The following EFL1 variants were observed in gnomAD, a reference collection of about 807,000 sequenced individuals.
EFL1 encodes the protein elongation factor-like GTPase 1.
Under a neutral mutation model 126.7 loss-of-function variants are expected in EFL1, and 76 were observed. The ratio of observed to expected loss-of-function variants is 0.60; its 90% CI spans 0.50 to 0.73. The LOEUF is 0.73. Among genes scored for constraint, EFL1 ranks in the 30% least tolerant of loss-of-function variants. The pLI is 0.00. For missense variants in EFL1, 1,128 were observed against 1,343.2 expected, an observed-to-expected ratio of 0.84 and a Z score of 2.50; for synonymous variants, 410 against 448.4, an observed-to-expected ratio of 0.91 and a Z score of 1.08.
Position 82,206,787 on chromosome 15 carries a change from G to T in EFL1, c.1750+7930C>A, listed in dbSNP as rs1230326691. Among the ~76,000 whole-genome samples, 6 of 151,916 alleles carry T rather than the reference G, an allele frequency of 3.9e-5. No homozygotes were observed. In the East Asian group the frequency reaches 5.8e-4, roughly 15 times the overall value. On this transcript the variant is annotated intron_variant, in intron 15 of 19. Coordinates refer to ENST00000268206, the MANE Select transcript of EFL1 (RefSeq NM_024580.6). ...CTAACCAAATATAGCTGACTTCATG[G>T]GTGCTAATATCCAAAATTTTAGGGA...
chr15:82,135,674 A>G (rs1415034093), intron 19 of EFL1, among the ~76,000 whole-genome samples: 2 of 152,230 alleles, frequency 1.3e-5, no homozygotes, highest in Admixed American at 6.5e-5. Flanking sequence ...TCTAAAGACT[A>G]CATTTCCCAG....
At chr15:82,158,441 G>C (rs72749539) in intron 16 of EFL1, among the ~76,000 whole-genome samples, 2 of 152,158 alleles carry the variant, frequency 1.3e-5, no homozygotes, top group South Asian at 4.1e-4. Context: ...TGGGAGTTGA[G>C]AGTAGGGATA....
intron 15 of EFL1, among the ~76,000 whole-genome samples, chr15:82,191,338 T>C (rs188969604): frequency 6.6e-6 from 1 of 152,192 alleles, no homozygotes; most frequent in Non-Finnish European, 1.5e-5. Flanking sequence ...GTAGCCTATC[T>C]AAAACACCTG....
chr15:82,171,789 A>G (rs757936750), intron 15 of EFL1, among the ~76,000 whole-genome samples: 1 of 152,174 alleles, frequency 6.6e-6, no homozygotes, highest in African/African-American at 2.4e-5. Flanking sequence ...GATAGAATCC[A>G]TACTCCAAAC....
In EFL1 at chr15:82,214,776, T is replaced by C; in HGVS notation, c.1691A>G (p.Tyr564Cys). 6.2e-7 allele frequency: 1 copy of C among 1,601,770 alleles called. No homozygotes were observed. Residue 564 changes from tyrosine (Y) to cysteine (C), a missense_variant, in exon 15 of 20, where the codon TAT becomes TGT. Physicochemically the swap from Tyr to Cys is radical, Grantham distance 194 (BLOSUM62 -2). Coordinates refer to ENST00000268206, the MANE Select transcript of EFL1 (RefSeq NM_024580.6). ...HMAYCALENLYLLMGRELEYL... is the reference protein window; with the variant it reads ...HMAYCALENLCLLMGRELEYL... ...TTCCAGTTCCCTTCCCATCAGAAGA[T>C]ACAGGTTTTCCAGAGCACAGTATGC...
intron 2 of EFL1, 56 bp downstream of exon 2, chr15:82,261,628 GACAT>G (rs1264337100): frequency 2.7e-6 from 4 of 1,482,858 alleles, no homozygotes; most frequent in South Asian, 1.2e-5. Context: ...ACTCCACTGA[GACAT>G]ACAGAGACAC....
intron 3 of EFL1, among the ~76,000 whole-genome samples, chr15:82,256,592 C>A (rs1314682415): frequency 6.6e-6 from 1 of 152,168 alleles, no homozygotes; most frequent in Non-Finnish European, 1.5e-5. Flanking sequence ...AGTTTTAACA[C>A]TTCATCATTA....
chr15:82,154,920 C>T (rs2141232220), intron 17 of EFL1, among the ~76,000 whole-genome samples: 1 of 152,198 alleles, frequency 6.6e-6, no homozygotes, highest in Non-Finnish European at 1.5e-5. Context: ...CACCACCTGC[C>T]CGATTAATTT....
At chr15:82,163,040 A>G (rs1333221826) in intron 16 of EFL1, among the ~76,000 whole-genome samples, 2 of 152,248 alleles carry the variant, frequency 1.3e-5, no homozygotes, top group African/African-American at 4.8e-5. Context: ...GGCAAATACC[A>G]TAAGCCAAAG....
At chr15:82,162,193 C>T (rs546474301) in intron 16 of EFL1, among the ~76,000 whole-genome samples, 13 of 152,214 alleles carry the variant, frequency 8.5e-5, no homozygotes, top group African/African-American at 2.9e-4. Flanking sequence ...AGGAGGATCT[C>T]GTGAGCCCAG....
rs759553705 is a variant in EFL1, at chr15:82,151,849, T to C, written c.2605A>G (p.Ile869Val). 6.2e-7 allele frequency: 1 copy of C among 1,614,154 alleles called. No homozygotes were observed. The highest frequency in any genetic ancestry group is 1.7e-5 in the Admixed American group (1 of 60,014). ...ASRYRDLGNS[I>V]VSGFQLATLS... ...GTTGCTAGTTGGAAGCCACTCACAATGCTATTGCCCAAATCTCGGTATCTA... is the reference window on the plus strand; with the variant it reads ...GTTGCTAGTTGGAAGCCACTCACAACGCTATTGCCCAAATCTCGGTATCTA... Residue 869 changes from isoleucine to valine, a missense_variant, in exon 18 of 20, where the codon ATT (isoleucine) becomes GTT (valine). Transcript: ENST00000268206.
rs552823952 is a variant in EFL1 at position 82,191,034 on chromosome 15, A to G, written c.1750+23683T>C. 8.3e-3 allele frequency among the ~76,000 whole-genome samples: 1,243 copies of G among 150,302 alleles called. 16 individuals carry two copies. Among genetic ancestry groups the G allele is most frequent in the African/African-American group, 0.024 (999 of 40,986 alleles). On this transcript the variant is annotated intron_variant, in intron 15 of 19. Coordinates refer to ENST00000268206, the MANE Select transcript of EFL1 (RefSeq NM_024580.6). ...GTATCCCTACTGTAATAAAAAAAAA[A>G]GGGGGGGGAGTTTATTTTGTCAAGT...
At chr15:82,223,453 T>C (rs1021891091) in intron 12 of EFL1, among the ~76,000 whole-genome samples, 1 of 152,108 alleles carries the variant, frequency 6.6e-6, no homozygotes, top group African/African-American at 2.4e-5. Flanking sequence ...ATCAGAAATA[T>C]ACTAAAATCA....
At position 82,163,844 on chromosome 15, in the gene EFL1, T is replaced by C; in HGVS notation, c.1882+9A>G. ...TAAACATATGCTTTTAAAAATAAGG[T>C]CATCTTACTTGGATGTTTTGGTTCA... is the stretch of plus-strand genomic sequence containing the variant. On this transcript the variant is annotated intron_variant, in intron 16 of 19. Transcript: ENST00000268206. 1 of 1,613,122 alleles carries C rather than the reference T, an allele frequency of 6.2e-7. No homozygotes were observed. The highest frequency in any genetic ancestry group is 8.5e-7 in the Non-Finnish European group (1 of 1,179,672).
intron 15 of EFL1, among the ~76,000 whole-genome samples, chr15:82,185,945 C>T (rs1398304305): frequency 6.6e-6 from 1 of 152,128 alleles, no homozygotes; most frequent in African/African-American, 2.4e-5. Context: ...TTGTTTTCCC[C>T]TTTCCTCAGT....
At chr15:82,216,254 A>G (rs1475237420) in intron 14 of EFL1, among the ~76,000 whole-genome samples, 1 of 152,200 alleles carries the variant, frequency 6.6e-6, no homozygotes, top group Non-Finnish European at 1.5e-5. Flanking sequence ...AAATAAACCT[A>G]ATACATTCAT....
intron 2 of EFL1, 32 bp from the exon 3 acceptor site, chr15:82,259,187 T>C (rs1307827569): frequency 5.7e-6 from 9 of 1,587,868 alleles, no homozygotes; most frequent in Middle Eastern, 1.7e-4. Context: ...TTCAAATCTA[T>C]ATCTTTTTTA....
At chr15:82,200,819 T>C (rs141977013) in intron 15 of EFL1, among the ~76,000 whole-genome samples, 12 of 152,376 alleles carry the variant, frequency 7.9e-5, no homozygotes, top group African/African-American at 1.4e-4. Flanking sequence ...AGTAGATTTA[T>C]ACTGAAAAGC....
At chr15:82,230,453 A>T (rs2074809482) in intron 8 of EFL1, among the ~76,000 whole-genome samples, 1 of 152,074 alleles carries the variant, frequency 6.6e-6, no homozygotes, top group Non-Finnish European at 1.5e-5. Flanking sequence ...GCAGTGAGAT[A>T]AGGCCTCAGC....
Sources: allele counts gnomAD v4.1 joint callset (sites outside exome capture counted in the v4.1 genomes callset), GRCh38; gene constraint gnomAD v4.1.1; transcripts MANE v1.5; gene names NCBI Gene and HGNC (gene_info 2026-07-23, HGNC 2026-07-21).